Variants in ACYP2 observed in about 807,000 individuals in gnomAD.
ACYP2 encodes the protein acylphosphatase 2.
A neutral mutation model predicts 11.2 loss-of-function variants in ACYP2; 12 were observed. The observed-to-expected ratio is 1.08, with a 90% CI of 0.69 to 1.74. The LOEUF (loss-of-function observed/expected upper bound fraction) is 1.74, where lower values mean the gene tolerates loss of function less well. ACYP2 is among the 40% of genes most tolerant of loss of function. The pLI, the probability that ACYP2 is intolerant of heterozygous loss-of-function variation, is 0.00. For synonymous variants in ACYP2, 43 were observed against 32.2 expected, an observed-to-expected ratio of 1.33 and a Z score of -1.13; for missense variants, 134 against 101.9, an observed-to-expected ratio of 1.31 and a Z score of -1.35.
intron 4 of ACYP2, among the ~76,000 whole-genome samples, chr2:54,111,875 A>G (rs994646797): frequency 6.6e-6 from 1 of 152,234 alleles, no homozygotes; most frequent in Non-Finnish European, 1.5e-5. Flanking sequence ...AAATAACTCT[A>G]GCAATCACTT....
At chr2:54,115,622 C>T (rs1191812178) in intron 4 of ACYP2, 3 of 1,564,482 alleles carry the variant, frequency 1.9e-6, no homozygotes, top group African/African-American at 1.4e-5. Flanking sequence ...CCCATGTGTC[C>T]CCTCCCTCTC....
intron 2 of ACYP2, among the ~76,000 whole-genome samples, chr2:54,020,941 G>C (rs1451794529): frequency 2.0e-5 from 3 of 152,146 alleles, no homozygotes; most frequent in Non-Finnish European, 4.4e-5. Context: ...AATAGCACTG[G>C]AACATAAATT....
intron 2 of ACYP2, among the ~76,000 whole-genome samples, chr2:53,994,390 G>A (rs1251379907): frequency 6.1e-5 from 9 of 148,694 alleles, no homozygotes; most frequent in African/African-American, 2.0e-4. Context: ...ATGGTGGCAC[G>A]TGCCTGTAGT....
rs1558561590 is a variant in ACYP2 at position 54,138,622 on chromosome 2, G to GT, written c.295-11dup. ...TTTGATGCTGCACTTTATTCTTCTT[G>GT]TTTTTTCCTGAAACAGTATACAGAA... On this transcript the variant is annotated splice_polypyrimidine_tract_variant and intron_variant, in intron 5 of 6. Transcript: ENST00000607452. 1.3e-6 allele frequency: 2 copies of GT among 1,593,700 alleles called. No homozygotes were observed. Among genetic ancestry groups the GT allele is most frequent in the South Asian group, 1.1e-5 (1 of 89,180 alleles).
At chr2:54,174,259 G>A (rs1258597645) in intron 6 of ACYP2, among the ~76,000 whole-genome samples, 1 of 152,164 alleles carries the variant, frequency 6.6e-6, no homozygotes, top group African/African-American at 2.4e-5. Flanking sequence ...TCCCTTGTAA[G>A]TTGGATTCCT....
At chr2:54,125,841 G>T (rs1223623150) in intron 4 of ACYP2, among the ~76,000 whole-genome samples, 3 of 152,164 alleles carry the variant, frequency 2.0e-5, no homozygotes, top group South Asian at 4.1e-4. Flanking sequence ...CAGCACTTTG[G>T]GGGGCCGAGG....
At chr2:54,291,506 G>A (rs1335625494) in intron 6 of ACYP2, among the ~76,000 whole-genome samples, 2 of 152,188 alleles carry the variant, frequency 1.3e-5, no homozygotes, top group Admixed American at 1.3e-4. Flanking sequence ...ACTCCTTCTG[G>A]GGTCTTTCAC....
In ACYP2 at chr2:54,036,908, G is replaced by GGAT. The variant is rs535206858; in HGVS notation, c.63-14045_63-14043dup. On this transcript the variant is annotated intron_variant, in intron 2 of 6. Transcript: ENST00000607452. ...CTGCGTGGCCCCTGCGGTCTTCCCT[G>GGAT]GATGATGCCTTGACTGCTTCATGGT... is the stretch of plus-strand genomic sequence containing the variant. Among the ~76,000 whole-genome samples the GGAT allele has an allele frequency of 2.3e-3, 347 of 152,176 alleles. 1 individual carries two copies. Among genetic ancestry groups the GGAT allele is most frequent in the African/African-American group, 8.2e-3 (339 of 41,508 alleles).
At chr2:54,085,334 C>T (rs953623983) in intron 4 of ACYP2, among the ~76,000 whole-genome samples, 2 of 152,156 alleles carry the variant, frequency 1.3e-5, no homozygotes, top group South Asian at 2.1e-4. Flanking sequence ...CACGGGACTG[C>T]GGACTGTCCG....
rs1689500491 is a variant in ACYP2, at chr2:54,295,877, C to T, written c.405-8811C>T. On this transcript the variant is annotated intron_variant, in intron 6 of 6. Coordinates refer to ENST00000607452, the MANE Select transcript of ACYP2 (RefSeq NM_001320586.2). ...CCGGGTTCAAGCAATTCTCGTACCTCAGCCTCCCACATAGCTGGAATTACA... is the reference window on the plus strand; with the variant it reads ...CCGGGTTCAAGCAATTCTCGTACCTTAGCCTCCCACATAGCTGGAATTACA... Among the ~76,000 whole-genome samples the T allele has an allele frequency of 2.0e-5, 3 of 152,078 alleles. No individual in the cohort carries two copies. The South Asian group carries it at 6.2e-4, about 32-fold the overall frequency.
At chr2:54,278,225 G>A (rs756821328) in intron 6 of ACYP2, among the ~76,000 whole-genome samples, 46 of 152,148 alleles carry the variant, frequency 3.0e-4, no homozygotes, top group Admixed American at 9.2e-4. Context: ...TGATCCGCCC[G>A]CCTCGGACTC....
Position 54,193,126 on chromosome 2 carries a change from G to A in ACYP2, c.404+54378G>A, listed in dbSNP as rs150156358. 4.2e-4 allele frequency among the ~76,000 whole-genome samples: 64 copies of A among 152,310 alleles called. No individual in the cohort carries two copies. In the East Asian group the frequency reaches 0.01, roughly 24 times the overall value. ...AATGCTACACTTGGTTCAAGTTGAA[G>A]TCCTGGTTTAAATTGTTTTAAGACT... On this transcript the variant is annotated intron_variant, in intron 6 of 6. Transcript: ENST00000607452.
intron 2 of ACYP2, among the ~76,000 whole-genome samples, chr2:54,030,400 G>C (rs540804426): frequency 6.6e-6 from 1 of 152,308 alleles, no homozygotes; most frequent in Admixed American, 6.5e-5. Flanking sequence ...GGCTCCTACT[G>C]ACCATATGTT....
intron 3 of ACYP2, among the ~76,000 whole-genome samples, chr2:54,056,314 A>T (rs1217080579): frequency 1.3e-5 from 2 of 152,228 alleles, no homozygotes; most frequent in African/African-American, 4.8e-5. Context: ...AGTTTCTGAC[A>T]TATTTGCCCA....
rs1168917459 is a variant in ACYP2, at chr2:54,195,794, G to GTTTTTTTTTTTT, written c.404+57056_404+57067dup. On this transcript the variant is annotated intron_variant, in intron 6 of 6. Transcript: ENST00000607452. ...GTACATTGTCATCGTTTTGTTGTGG[G>GTTTTTTTTTTTT]TTTTTTTTTTTTTTTTTTTTTGAGA... 2.8e-3 allele frequency among the ~76,000 whole-genome samples: 234 copies of GTTTTTTTTTTTT among 83,124 alleles called. 16 individuals carry two copies. Among genetic ancestry groups the GTTTTTTTTTTTT allele is most frequent in the South Asian group, 4.5e-3 (8 of 1,788 alleles). The allele number at this position is 83,124 out of a possible 152,430, so 54.5% of individuals were successfully genotyped here. A position where few individuals can be genotyped will look rare whatever the true frequency, so the allele number is the denominator to read the frequency against.
intron 2 of ACYP2, among the ~76,000 whole-genome samples, chr2:54,021,491 C>G (rs1290428323): frequency 6.6e-6 from 1 of 152,084 alleles, no homozygotes; most frequent in Non-Finnish European, 1.5e-5. Flanking sequence ...TTATTATATC[C>G]TACAGTAAAT....
chr2:53,992,092 C>T (rs113734066), intron 2 of ACYP2, among the ~76,000 whole-genome samples: 1 of 149,714 alleles, frequency 6.7e-6, no homozygotes, highest in African/African-American at 2.5e-5. Flanking sequence ...TCCTTCCTTC[C>T]TTCCTCCTTC....
chr2:54,126,239 T>A lies in ACYP2; in HGVS notation c.278-9214T>A, dbSNP rs371238644. 2.6e-5 allele frequency among the ~76,000 whole-genome samples: 4 copies of A among 152,308 alleles called. No individual in the cohort carries two copies. In the East Asian group the frequency reaches 5.8e-4, roughly 22 times the overall value. ...CTGAGGTGTACTGATGACAGTCACATAGGTGTAACAGTTACGAGAAGATGA... is the reference window on the plus strand; with the variant it reads ...CTGAGGTGTACTGATGACAGTCACAAAGGTGTAACAGTTACGAGAAGATGA... On this transcript the variant is annotated intron_variant, in intron 4 of 6. Coordinates refer to ENST00000607452, the MANE Select transcript of ACYP2 (RefSeq NM_001320586.2).
chr2:54,107,947 C>G (rs1679254012), intron 4 of ACYP2, among the ~76,000 whole-genome samples: 1 of 152,160 alleles, frequency 6.6e-6, no homozygotes, highest in South Asian at 2.1e-4. Flanking sequence ...AATGCATCCC[C>G]TGCCATCATC....
Sources: allele counts gnomAD v4.1 joint callset (sites outside exome capture counted in the v4.1 genomes callset), GRCh38; gene constraint gnomAD v4.1.1; transcripts MANE v1.5; gene names NCBI Gene and HGNC (gene_info 2026-07-23, HGNC 2026-07-21).